The following SHROOM3 variants were observed in gnomAD, a reference collection of about 807,000 sequenced individuals.
SHROOM3 encodes the protein protein Shroom3.
A neutral mutation model predicts 138.6 loss-of-function variants in SHROOM3; 47 were observed. The observed-to-expected ratio is 0.34, with a 90% CI of 0.27 to 0.43. SHROOM3 has a LOEUF of 0.43. SHROOM3 is among the 20% of genes least tolerant of loss of function. The pLI is 1.00. For synonymous variants in SHROOM3, 1,062 were observed against 1,063.3 expected, an observed-to-expected ratio of 1.00 and a Z score of 0.02; for missense variants, 2,491 against 2,596.5, an observed-to-expected ratio of 0.96 and a Z score of 0.88.
chr4:76,627,655 G>A (rs1164561627), intron 2 of SHROOM3, among the ~76,000 whole-genome samples: 1 of 146,730 alleles, frequency 6.8e-6, no homozygotes, highest in Non-Finnish European at 1.5e-5. Flanking sequence ...CCTCTGTTTT[G>A]CAAAAGTCTT....
At chr4:76,530,870 G>T (rs1732815065) in intron 1 of SHROOM3, among the ~76,000 whole-genome samples, 1 of 152,194 alleles carries the variant, frequency 6.6e-6, no homozygotes, top group African/African-American at 2.4e-5. Flanking sequence ...AGGAATGGGT[G>T]TTTGGAGGAA....
At chr4:76,774,812 T>A (rs762104496) in intron 10 of SHROOM3, among the ~76,000 whole-genome samples, 1 of 151,754 alleles carries the variant, frequency 6.6e-6, no homozygotes, top group African/African-American at 2.4e-5. Flanking sequence ...CCAGGCATTA[T>A]TATGTAAGAT....
chr4:76,756,549 T>C lies in SHROOM3; in HGVS notation c.4810T>C (p.Ser1604Pro), dbSNP rs1216338745. 3 of 1,613,428 alleles carry C rather than the reference T, an allele frequency of 1.9e-6. No homozygotes were observed. In the South Asian group the frequency reaches 3.3e-5, roughly 18 times the overall value. Reference sequence around the variant, plus strand: ...GACACTGGCTTCCAGACTCCAAACTTCTATCAAGGGTTCAGAGGCTGAGTC... The same window carrying C: ...GACACTGGCTTCCAGACTCCAAACTCCTATCAAGGGTTCAGAGGCTGAGTC... ...SQTLASRLQTSIKGSEAESTP... is the reference protein window; with the variant it reads ...SQTLASRLQTPIKGSEAESTP... Residue 1604 changes from serine to proline, a missense_variant, in exon 8 of 11, where the codon TCT becomes CCT. Around this residue, in one of 4 missense-constraint regions of SHROOM3, gnomAD observed 470 missense variants for 595.0 expected, o/e 0.79. Coordinates refer to ENST00000296043, the MANE Select transcript of SHROOM3 (RefSeq NM_020859.4).
At chr4:76,506,760 T>A (rs1382488964) in intron 1 of SHROOM3, among the ~76,000 whole-genome samples, 1 of 152,210 alleles carries the variant, frequency 6.6e-6, no homozygotes, top group East Asian at 1.9e-4. Flanking sequence ...TCTTTTTATA[T>A]TTATCATCAT....
chr4:76,778,636 A>G (rs555257665), intron 10 of SHROOM3, among the ~76,000 whole-genome samples, 173 bp from the exon 11 acceptor site: 2 of 152,358 alleles, frequency 1.3e-5, no homozygotes, highest in South Asian at 2.1e-4. Flanking sequence ...GAATGCTGTA[A>G]TATGTAATAT....
chr4:76,491,964 G>C (rs1731862637), intron 1 of SHROOM3, among the ~76,000 whole-genome samples: 1 of 152,132 alleles, frequency 6.6e-6, no homozygotes, highest in South Asian at 2.1e-4. Flanking sequence ...GAGAGAGAGA[G>C]AATGCACTTT....
chr4:76,448,054 A>C (rs972115445), intron 1 of SHROOM3, among the ~76,000 whole-genome samples: 1 of 152,130 alleles, frequency 6.6e-6, no homozygotes, highest in African/African-American at 2.4e-5. Context: ...CATTATTTAT[A>C]TTTAAATAAA....
At chr4:76,591,848 T>C (rs1032813907) in intron 2 of SHROOM3, among the ~76,000 whole-genome samples, 7 of 152,216 alleles carry the variant, frequency 4.6e-5, no homozygotes, top group South Asian at 4.1e-4. Context: ...GTGCCTACCA[T>C]GTATCAGCTG....
rs1020429639 is a variant in SHROOM3 at position 76,740,927 on chromosome 4, C to A, written c.2754C>A (p.Ala918=). Residue 918 remains alanine, a synonymous_variant, in exon 5 of 11, where the codon GCC becomes GCA. Transcript: ENST00000296043. The surrounding 1 kb of genome is among the most constrained non-coding windows in gnomAD (Gnocchi z 4.0). ...PGSPESPLLD[A]PFSRAYRNSI... Reference sequence around the variant, plus strand: ...CGCCCGAATCGCCCCTGCTGGATGCCCCCTTCAGCCGCGCCTACCGGAACA... The same window carrying A: ...CGCCCGAATCGCCCCTGCTGGATGCACCCTTCAGCCGCGCCTACCGGAACA... 2 of 1,497,948 alleles carry A rather than the reference C, an allele frequency of 1.3e-6. No homozygotes were observed. Among genetic ancestry groups the A allele is most frequent in the Non-Finnish European group, 1.8e-6 (2 of 1,126,852 alleles). The allele number at this position is 1,497,948 out of a possible 1,614,324, so 92.8% of individuals were successfully genotyped here.
Position 76,770,789 on chromosome 4 carries a change from T to G in SHROOM3, c.5513T>G (p.Ile1838Arg). 1 of 1,614,136 alleles carries G rather than the reference T, an allele frequency of 6.2e-7. No individual in the cohort carries two copies. The highest frequency in any genetic ancestry group is 8.5e-7 in the Non-Finnish European group (1 of 1,180,028). ...PNEFDKYRMF[I>R]GDLDKVVNLL... Reference sequence around the variant, plus strand: ...GAGTTTGACAAGTATAGGATGTTCATAGGGGATTTGGACAAGGTGGTCAAC... The same window carrying G: ...GAGTTTGACAAGTATAGGATGTTCAGAGGGGATTTGGACAAGGTGGTCAAC... Residue 1838 changes from isoleucine to arginine, a missense_variant, in exon 10 of 11, where the codon ATA becomes AGA. This residue lies in a region of SHROOM3 where 470 missense variants were observed against 595.0 expected (regional missense o/e 0.79). Transcript: ENST00000296043.
At position 76,779,258 on chromosome 4, in the gene SHROOM3, T is replaced by TG; in HGVS notation, c.*82dup. The TG allele has an allele frequency of 6.7e-7, 1 of 1,487,732 alleles. No homozygotes were observed. Among genetic ancestry groups the TG allele is most frequent in the Non-Finnish European group, 9.0e-7 (1 of 1,113,640 alleles). 92.2% of individuals were successfully genotyped at this position (1,487,732 alleles called of 1,614,324 possible). ...TGAAAAATGTTTCAGTACAAACCAC[T>TG]GTTTGAACTATCTGGGTTATTGGTG... On this transcript the variant is annotated 3_prime_UTR_variant, in exon 11 of 11. Coordinates refer to ENST00000296043, the MANE Select transcript of SHROOM3 (RefSeq NM_020859.4).
intron 2 of SHROOM3, among the ~76,000 whole-genome samples, chr4:76,662,450 AG>A (rs1168464450): frequency 6.6e-6 from 1 of 152,180 alleles, no homozygotes; most frequent in Non-Finnish European, 1.5e-5. Flanking sequence ...TTCTACTGCC[AG>A]GCAGAGAATA....
At chr4:76,775,806 A>G (rs996014378) in intron 10 of SHROOM3, among the ~76,000 whole-genome samples, 2 of 151,408 alleles carry the variant, frequency 1.3e-5, no homozygotes, top group African/African-American at 4.9e-5. Context: ...ATACACACAT[A>G]CTATATATAT....
intron 2 of SHROOM3, among the ~76,000 whole-genome samples, chr4:76,677,570 C>T (rs1157085692): frequency 6.6e-6 from 1 of 152,148 alleles, no homozygotes; most frequent in Non-Finnish European, 1.5e-5. Flanking sequence ...TAGACAATGG[C>T]GCAACTCTTT....
At chr4:76,679,365 C>T (rs866215861) in intron 2 of SHROOM3, among the ~76,000 whole-genome samples, 7 of 152,112 alleles carry the variant, frequency 4.6e-5, no homozygotes, top group Non-Finnish European at 1.0e-4. Context: ...TACACTGTTT[C>T]CCTGGCTCTT....
intron 4 of SHROOM3, 150 bp downstream of exon 4, chr4:76,731,085 T>A: frequency 9.2e-7 from 1 of 1,091,038 alleles, no homozygotes; most frequent in Non-Finnish European, 1.3e-6. Flanking sequence ...CATCCTCTTA[T>A]AGTGCTTGAC....
chr4:76,589,735 A>C (rs995601266), intron 2 of SHROOM3, among the ~76,000 whole-genome samples: 11 of 152,202 alleles, frequency 7.2e-5, no homozygotes, highest in Non-Finnish European at 5.9e-5. Context: ...GGGTCCCAGC[A>C]ATCAGCCTCT....
chr4:76,777,889 C>A (rs1722620967), intron 10 of SHROOM3, among the ~76,000 whole-genome samples: 1 of 152,158 alleles, frequency 6.6e-6, no homozygotes, highest in Admixed American at 6.5e-5. Flanking sequence ...ACATTGCCGT[C>A]ATTGTTGAAC....
intron 1 of SHROOM3, chr4:76,509,444 TG>T (rs1376172240): frequency 2.0e-5 from 3 of 152,202 alleles, no homozygotes; most frequent in Non-Finnish European, 2.9e-5. Flanking sequence ...GCATAGACTT[TG>T]GGGGCGTCCA....
Sources: gnomAD v4.1 joint callset for allele counts (sites outside exome capture counted in the v4.1 genomes callset) on GRCh38, gnomAD v4.1.1 for gene constraint, gnomAD v4.1.1 regional missense constraint, Gnocchi (gnomAD v3.1) non-coding constraint, MANE v1.5 for transcripts, NCBI Gene and HGNC (gene_info 2026-07-23, HGNC 2026-07-21) for gene names.